Variants in ARHGAP45 observed in about 807,000 individuals in gnomAD.
ARHGAP45 encodes the protein Rho GTPase activating protein 45.
In ARHGAP45, 56 loss-of-function variants were observed where a neutral mutation model predicts 116.1. The observed-to-expected ratio is 0.48, with a 90% CI of 0.39 to 0.60. ARHGAP45 has a LOEUF of 0.60. ARHGAP45 is among the 20% of genes least tolerant of loss of function. The pLI, the probability that ARHGAP45 is intolerant of heterozygous loss-of-function variation, is 0.00. For synonymous variants in ARHGAP45, 866 were observed against 701.7 expected (o/e 1.23, Z -3.70); for missense variants, 1,622 against 1,601.0 (o/e 1.01, Z -0.22).
intron 14 of ARHGAP45, 26 bp downstream of exon 14, chr19:1,080,405 C>G: frequency 1.2e-6 from 2 of 1,608,742 alleles, no homozygotes; most frequent in Non-Finnish European, 1.7e-6. Flanking sequence ...GGCCCAGGGG[C>G]GGACGCTGGC....
In ARHGAP45 at chr19:1,085,850, C is replaced by T. The variant is rs35843614; in HGVS notation, c.3255C>T (p.Asp1085=). Residue 1085 remains aspartate (D), a synonymous_variant, in exon 23 of 23, where the codon GAC becomes GAT. Coordinates refer to ENST00000313093, the MANE Select transcript of ARHGAP45 (RefSeq NM_012292.5). ...EEQLEATARE[D]GDGDEDGPAQ... ...AGCTGGAGGCCACAGCCCGGGAGGACGGGGACGGGGACGAGGACGGCCCGG... is the reference window on the plus strand; with the variant it reads ...AGCTGGAGGCCACAGCCCGGGAGGATGGGGACGGGGACGAGGACGGCCCGG... 398 of 1,612,008 alleles carry T rather than the reference C, an allele frequency of 2.5e-4. 1 individual carries two copies. The African/African-American group carries it at 3.6e-3, about 15-fold the overall frequency.
At chr19:1,084,166 G>A (rs1003462201) in intron 21 of ARHGAP45, 72 bp from the exon 22 acceptor site, 73 of 1,388,456 alleles carry the variant, frequency 5.3e-5, no homozygotes, top group Non-Finnish European at 7.2e-5. Context: ...GGGCTGTGTG[G>A]GTGGGTTTGT....
At position 1,067,377 on chromosome 19, in the gene ARHGAP45, C is replaced by A; in HGVS notation, c.-29C>A. ...TGCAGCGCTGAGACCCCCAGCCCGC[C>A]CCCTCGGGCTCCCGGCCGGGGCCCC... On this transcript the variant is annotated 5_prime_UTR_variant, in exon 1 of 23. Coordinates refer to ENST00000313093, the MANE Select transcript of ARHGAP45 (RefSeq NM_012292.5). 1 of 1,537,022 alleles carries A rather than the reference C, an allele frequency of 6.5e-7. No homozygotes were observed. Among genetic ancestry groups the A allele is most frequent in the South Asian group, 1.2e-5 (1 of 81,684 alleles).
chr19:1,081,514 C>G, intron 17 of ARHGAP45, 36 bp from the exon 18 acceptor site: 1 of 1,442,370 alleles, frequency 6.9e-7, no homozygotes, highest in Non-Finnish European at 9.1e-7. Context: ...AGCTGGGCGC[C>G]CCGGGGCTGG....
At chr19:1,075,690 T>G (rs2043232933) in intron 10 of ARHGAP45, among the ~76,000 whole-genome samples, 1 of 152,180 alleles carries the variant, frequency 6.6e-6, no homozygotes, top group African/African-American at 2.4e-5. Flanking sequence ...CATACCTCAC[T>G]GCAGACTTGC....
chr19:1,079,955 C>G lies in ARHGAP45; in HGVS notation c.1540C>G (p.His514Asp). ...SATISYYQMM[H>D]MQTAPLPVHF... ...CACGATCTCCTACTACCAGATGATG[C>G]ATATGCAGACGGCGCCGCTGCCCGT... is the stretch of plus-strand genomic sequence containing the variant. Residue 514 changes from histidine to aspartate, a missense_variant, in exon 13 of 23, where the codon CAT (histidine) becomes GAT (aspartate). Around this residue, in one of 3 missense-constraint regions of ARHGAP45, gnomAD observed 1,334 missense variants for 1,263.8 expected, o/e 1.06. Coordinates refer to ENST00000313093, the MANE Select transcript of ARHGAP45 (RefSeq NM_012292.5). 1 of 1,612,412 alleles carries G rather than the reference C, an allele frequency of 6.2e-7. No individual in the cohort carries two copies. The highest frequency in any genetic ancestry group is 8.5e-7 in the Non-Finnish European group (1 of 1,179,560).
chr19:1,085,532 A>ATCTCTCCTGTCTCTCCC, intron 22 of ARHGAP45, 128 bp from the exon 23 acceptor site: 1 of 573,396 alleles, frequency 1.7e-6, no homozygotes, highest in Non-Finnish European at 2.9e-6. Context: ...GTCTCTCCCC[A>ATCTCTCCTGTCTCTCCC]TCTCTCCTGT....
At chr19:1,074,575 C>A in intron 8 of ARHGAP45, 39 bp from the exon 9 acceptor site, 1 of 1,500,980 alleles carries the variant, frequency 6.7e-7, no homozygotes, top group Non-Finnish European at 9.0e-7. Context: ...GCCCTGCCTC[C>A]ATCCCTCCCC....
rs539582612 is a variant in ARHGAP45, at chr19:1,075,027, G to GCC, written c.1185+155_1185+156dup. ...CATGCGCGGCCTCGCAGGCTGGGCC[G>GCC]CCCCCCCCAACGCCAAGCCGGGTCG... On this transcript the variant is annotated intron_variant, in intron 10 of 22. Transcript: ENST00000313093. The GCC allele has an allele frequency of 5.8e-3, 2,570 of 440,224 alleles. 10 individuals are homozygous for GCC. Among genetic ancestry groups the GCC allele is most frequent in the East Asian group, 0.012 (218 of 18,952 alleles). 27.3% of individuals were successfully genotyped at this position (440,224 alleles called of 1,614,324 possible).
Position 1,074,883 on chromosome 19 carries a change from A to G in ARHGAP45, c.1185+4A>G. 1.4e-4 allele frequency: 14 copies of G among 101,676 alleles called. No homozygotes were observed. The highest frequency in any genetic ancestry group is 4.7e-4 in the South Asian group (6 of 12,704). 6.3% of individuals were successfully genotyped at this position (101,676 alleles called of 1,614,324 possible). Reference sequence around the variant, plus strand: ...GCACCGTGCCCAGAGGAAGCTGGTGAGGCGGGCGGGCGGGGGCGGGCGGGG... The same window carrying G: ...GCACCGTGCCCAGAGGAAGCTGGTGGGGCGGGCGGGCGGGGGCGGGCGGGG... On this transcript the variant is annotated splice_donor_region_variant and intron_variant, in intron 10 of 22. Coordinates refer to ENST00000313093, the MANE Select transcript of ARHGAP45 (RefSeq NM_012292.5).
intron 11 of ARHGAP45, among the ~76,000 whole-genome samples, chr19:1,078,435 G>A (rs539819603): frequency 7.5e-5 from 11 of 147,152 alleles, no homozygotes; most frequent in African/African-American, 2.3e-4. Flanking sequence ...GAGCCACTGC[G>A]CCCGGCCAAT....
intron 10 of ARHGAP45, chr19:1,077,123 A>T: frequency 2.2e-5 from 22 of 985,226 alleles, no homozygotes; most frequent in Non-Finnish European, 2.7e-5. Context: ...TTTTTGACTA[A>T]GTGCTCTTCC....
intron 17 of ARHGAP45, 128 bp downstream of exon 17, chr19:1,081,192 A>C: frequency 2.7e-6 from 3 of 1,107,158 alleles, no homozygotes; most frequent in Non-Finnish European, 3.8e-6. Flanking sequence ...CTTTGGAAGG[A>C]AGCGAACGGA....
chr19:1,085,813 G>A lies in ARHGAP45; in HGVS notation c.3218G>A (p.Gly1073Asp), dbSNP rs896446905. Residue 1073 changes from glycine (G) to aspartate (D), a missense_variant, in exon 23 of 23, where the codon GGC (glycine) becomes GAC (aspartate). Transcript: ENST00000313093. Reference sequence around the variant, plus strand: ...GAGGTGGCTTCTGGCAGCCACAGCGGCAGTGAGGAGCAGCTGGAGGCCACA... The same window carrying A: ...GAGGTGGCTTCTGGCAGCCACAGCGACAGTGAGGAGCAGCTGGAGGCCACA... The part of the protein sequence containing the change: ...SLEVASGSHS[G>D]SEEQLEATAR... 1 of 1,612,764 alleles carries A rather than the reference G, an allele frequency of 6.2e-7. No individual in the cohort carries two copies. The highest frequency in any genetic ancestry group is 2.2e-5 in the East Asian group (1 of 44,878).
At chr19:1,072,886 T>G (rs1478588995) in intron 2 of ARHGAP45, among the ~76,000 whole-genome samples, 1 of 152,070 alleles carries the variant, frequency 6.6e-6, no homozygotes, top group East Asian at 1.9e-4. Context: ...CAAGAGGCAG[T>G]TTGCTTTCTG....
chr19:1,085,595 C>T lies in ARHGAP45; in HGVS notation c.3065-65C>T, dbSNP rs113238270. On this transcript the variant is annotated intron_variant, in intron 22 of 22. Coordinates refer to ENST00000313093, the MANE Select transcript of ARHGAP45 (RefSeq NM_012292.5). ...TCTCTCCCCATCTCTCCTGTCTGTCCCTCCCCTTGTCTCTCCTCCATCTCT... is the reference window on the plus strand; with the variant it reads ...TCTCTCCCCATCTCTCCTGTCTGTCTCTCCCCTTGTCTCTCCTCCATCTCT... 90 of 1,232,940 alleles carry T rather than the reference C, an allele frequency of 7.3e-5. No homozygotes were observed. In the African/African-American group the frequency reaches 1.0e-3, roughly 14 times the overall value. 76.4% of individuals were successfully genotyped at this position (1,232,940 alleles called of 1,614,324 possible).
intron 22 of ARHGAP45, among the ~76,000 whole-genome samples, chr19:1,085,066 A>T (rs568973781): frequency 6.6e-6 from 1 of 152,226 alleles, no homozygotes; most frequent in Non-Finnish European, 1.5e-5. Flanking sequence ...CGGGCAAGAG[A>T]GAGAGACTCT....
chr19:1,073,153 CCTT>C lies in ARHGAP45; in HGVS notation c.427_429del (p.Leu143del). 6.2e-7 allele frequency: 1 copy of C among 1,606,056 alleles called. No homozygotes were observed. The highest frequency in any genetic ancestry group is 8.5e-7 in the Non-Finnish European group (1 of 1,179,818). Reference sequence around the variant, plus strand: ...CACTCCGACTCTCCCCAGCAGACCTCCTTGAGGCCCGCCGCCCGCGGGCCCACG... The same window carrying C: ...CACTCCGACTCTCCCCAGCAGACCTCGAGGCCCGCCGCCCGCGGGCCCACG... On this transcript the variant is annotated inframe_deletion, in exon 3 of 23. Transcript: ENST00000313093.
intron 22 of ARHGAP45, 152 bp from the exon 23 acceptor site, chr19:1,085,508 C>CATCCAT: frequency 1.6e-6 from 1 of 615,448 alleles, no homozygotes; most frequent in Non-Finnish European, 2.8e-6. Flanking sequence ...CCTTGTCTCT[C>CATCCAT]CTCCATCTCT....
Sources: gnomAD v4.1 joint callset for allele counts (sites outside exome capture counted in the v4.1 genomes callset) on GRCh38, gnomAD v4.1.1 for gene constraint, gnomAD v4.1.1 regional missense constraint, MANE v1.5 for transcripts, NCBI Gene and HGNC (gene_info 2026-07-23, HGNC 2026-07-21) for gene names.